Variants in PUSL1 observed in about 807,000 individuals in gnomAD.
PUSL1 encodes pseudouridine synthase like 1, also known as tRNA pseudouridine synthase-like 1.
In PUSL1, 51 loss-of-function variants were observed where a neutral mutation model predicts 30.7. That is an observed-to-expected ratio of 1.66 (90% confidence interval 1.33 to 2.10). The LOEUF is 2.10. Ranked by LOEUF, PUSL1 falls within the 30% of genes most tolerant of loss-of-function variation. The probability of loss-of-function intolerance (pLI) is 0.00; values close to 1 mark genes in which losing one functional copy is unlikely to be tolerated. For missense variants in PUSL1, 609 were observed against 427.6 expected (o/e 1.42, Z -3.74); for synonymous variants, 290 against 192.1 (o/e 1.51, Z -4.21).
intron 5 of PUSL1, chr1:1,310,243 G>T: frequency 2.9e-6 from 1 of 343,524 alleles, no homozygotes; most frequent in Non-Finnish European, 5.4e-6. Flanking sequence ...GAGCCCTGAA[G>T]GGGGGAAGAA....
intron 7 of PUSL1, 79 bp downstream of exon 7, chr1:1,311,150 G>A: frequency 6.6e-7 from 1 of 1,515,646 alleles, no homozygotes; most frequent in East Asian, 2.3e-5. Flanking sequence ...GGGGGCCAGG[G>A]GCCACTGACG....
At chr1:1,310,214 GAA>G (rs1642044702) in intron 5 of PUSL1, 2 of 352,100 alleles carry the variant, frequency 5.7e-6, no homozygotes, top group Non-Finnish European at 1.0e-5. Flanking sequence ...CTTCTGACCA[GAA>G]CCTCCCCTAT....
intron 1 of PUSL1, 91 bp from the exon 2 acceptor site, chr1:1,308,824 G>A (rs895147199): frequency 3.5e-6 from 5 of 1,443,550 alleles, no homozygotes; most frequent in South Asian, 1.4e-5. Context: ...GGTTCCAAAC[G>A]TTCGGGGAAG....
In PUSL1 at chr1:1,310,643, G is replaced by C. The variant is rs767049785; in HGVS notation, c.654G>C (p.Arg218=). The change falls in exon 6 of 8, where the codon CGG becomes CGC. Residue 218 remains arginine (R), a synonymous_variant. Coordinates refer to ENST00000379031, the MANE Select transcript of PUSL1 (RefSeq NM_153339.3). The part of the protein sequence containing the change: ...LVTPEESRKL[R]FWNLEFESQS... ...GTACGTATTTTTCCAGGAAGCTGCG[G>C]TTCTGGAACCTGGAGTTTGAGAGCC... The C allele has an allele frequency of 7.6e-6, 12 of 1,577,890 alleles. No individual in the cohort carries two copies. The highest frequency in any genetic ancestry group is 9.5e-6 in the Non-Finnish European group (11 of 1,158,532).
rs377184547 is a variant in PUSL1 at position 1,311,652 on chromosome 1, C to T, written c.*273C>T. 2.8e-6 allele frequency: 2 copies of T among 714,444 alleles called. No individual in the cohort carries two copies. The highest frequency in any genetic ancestry group is 2.7e-5 in the East Asian group (1 of 36,880). The allele number at this position is 714,444 out of a possible 1,614,324, so 44.3% of individuals were successfully genotyped here. A position where few individuals can be genotyped will look rare whatever the true frequency, so the allele number is the denominator to read the frequency against. On this transcript the variant is annotated 3_prime_UTR_variant, in exon 8 of 8. Transcript: ENST00000379031. ...GCTGTCTAGGACCACCTGCCCTAACCAGGAATAAAGGCAAGACAGCCTGGA... is the reference window on the plus strand; with the variant it reads ...GCTGTCTAGGACCACCTGCCCTAACTAGGAATAAAGGCAAGACAGCCTGGA...
At position 1,309,202 on chromosome 1, in the gene PUSL1, A is replaced by G; in HGVS notation, c.252A>G (p.Ser84=). 4 of 1,530,338 alleles carry G rather than the reference A, an allele frequency of 2.6e-6. No individual in the cohort carries two copies. The highest frequency in any genetic ancestry group is 3.5e-6 in the Non-Finnish European group (4 of 1,147,626). The allele number at this position is 1,530,338 out of a possible 1,614,324, so 94.8% of individuals were successfully genotyped here. A position where few individuals can be genotyped will look rare whatever the true frequency, so the allele number is the denominator to read the frequency against. The change falls in exon 3 of 8, where the codon TCA becomes TCG. Residue 84 remains serine, a synonymous_variant. Transcript: ENST00000379031. ...CGCACCTGGACGTCCAGCGCCGCTC[A>G]GGCCGGCCGCCCTTCCCGCCCGAGG... ...NAAHLDVQRR[S]GRPPFPPEVL...
Position 1,309,943 on chromosome 1 carries a change from C to A in PUSL1, c.644+92C>A, listed in dbSNP as rs990205638. 13 of 1,094,314 alleles carry A rather than the reference C, an allele frequency of 1.2e-5. No homozygotes were observed. In the East Asian group the frequency reaches 3.2e-4, roughly 27 times the overall value. The allele number at this position is 1,094,314 out of a possible 1,614,324, so 67.8% of individuals were successfully genotyped here. A position where few individuals can be genotyped will look rare whatever the true frequency, so the allele number is the denominator to read the frequency against. On this transcript the variant is annotated intron_variant, in intron 5 of 7. Transcript: ENST00000379031. ...CCCCCAGTTTTAAGGCAAGGTGAGG[C>A]GGGAGGCAGGCAGCCGGGAGTCCTC... is the stretch of plus-strand genomic sequence containing the variant.
chr1:1,310,599 G>A (rs1642074882), intron 5 of PUSL1, 35 bp from the exon 6 acceptor site: 2 of 1,480,824 alleles, frequency 1.4e-6, no homozygotes, highest in South Asian at 2.5e-5. Context: ...GGCAAACACT[G>A]CCCCACAGAC....
Position 1,311,572 on chromosome 1 carries a change from T to C in PUSL1, c.*193T>C, listed in dbSNP as rs182389642. 16 of 728,330 alleles carry C rather than the reference T, an allele frequency of 2.2e-5. No homozygotes were observed. The highest frequency in any genetic ancestry group is 2.3e-4 in the Middle Eastern group (1 of 4,420). 45.1% of individuals were successfully genotyped at this position (728,330 alleles called of 1,614,324 possible). ...TGGGGCACAGTGCAGGACACAGCCA[T>C]GTACACCAAGAAGAGAGTACCAAGT... On this transcript the variant is annotated 3_prime_UTR_variant, in exon 8 of 8. Coordinates refer to ENST00000379031, the MANE Select transcript of PUSL1 (RefSeq NM_153339.3).
chr1:1,309,575 C>G lies in PUSL1; in HGVS notation c.445C>G (p.Arg149Gly). The G allele has an allele frequency of 6.2e-7, 1 of 1,612,060 alleles. No individual in the cohort carries two copies. Among genetic ancestry groups the G allele is most frequent in the South Asian group, 1.1e-5 (1 of 91,040 alleles). The change falls in exon 4 of 8, where the codon CGC (arginine) becomes GGC (glycine). Residue 149 changes from arginine to glycine, a missense_variant. Coordinates refer to ENST00000379031, the MANE Select transcript of PUSL1 (RefSeq NM_153339.3). ...HRRDELPVFE[R>G]NLCWTLPADC... Reference sequence around the variant, plus strand: ...GCGTGATGAGCTGCCGGTGTTTGAACGCAACCTATGCTGGACTCTCCCGGC... The same window carrying G: ...GCGTGATGAGCTGCCGGTGTTTGAAGGCAACCTATGCTGGACTCTCCCGGC...
Position 1,311,446 on chromosome 1 carries a change from T to C in PUSL1, c.*67T>C, listed in dbSNP as rs778835482. The C allele has an allele frequency of 2.4e-5, 36 of 1,499,810 alleles. No individual in the cohort carries two copies. The South Asian group carries it at 4.3e-4, about 18-fold the overall frequency. The allele number at this position is 1,499,810 out of a possible 1,614,324, so 92.9% of individuals were successfully genotyped here. A position where few individuals can be genotyped will look rare whatever the true frequency, so the allele number is the denominator to read the frequency against. On this transcript the variant is annotated 3_prime_UTR_variant, in exon 8 of 8. Transcript: ENST00000379031. The stretch of plus-strand genomic sequence containing the variant: ...CCCTGTGCTGGTCAAGCCAGGGCAG[T>C]CACAGCTGCTTGGGGCCCACAGCAC...
rs1190901054 is a variant in PUSL1 at position 1,311,387 on chromosome 1, C to T, written c.*8C>T. 3.7e-6 allele frequency: 6 copies of T among 1,601,730 alleles called. No individual in the cohort carries two copies. In the South Asian group the frequency reaches 6.7e-5, roughly 18 times the overall value. Reference sequence around the variant, plus strand: ...TTCGGGAGCCACGGATGACCCTGGACACTCAAGCCAAAGTTAGGCCACACC... The same window carrying T: ...TTCGGGAGCCACGGATGACCCTGGATACTCAAGCCAAAGTTAGGCCACACC... On this transcript the variant is annotated 3_prime_UTR_variant, in exon 8 of 8. Transcript: ENST00000379031.
At chr1:1,309,994 C>T (rs1029899194) in intron 5 of PUSL1, 143 bp downstream of exon 5, 11 of 609,968 alleles carry the variant, frequency 1.8e-5, no homozygotes, top group East Asian at 1.5e-4. Flanking sequence ...GGAGGGGATT[C>T]GCCCGGACGC....
chr1:1,309,433 G>T (rs770982071), intron 3 of PUSL1, 21 bp from the exon 4 acceptor site: 42 of 1,577,624 alleles, frequency 2.7e-5, no homozygotes, highest in Admixed American at 8.8e-5. Context: ...TTCCTCCGGT[G>T]AGCTTTACCT....
chr1:1,310,844 G>A (rs780771123), intron 6 of PUSL1, 65 bp from the exon 7 acceptor site: 18 of 1,595,452 alleles, frequency 1.1e-5, no homozygotes, highest in African/African-American at 3.1e-5. Context: ...TCACAGGTAC[G>A]GAGGATGACG....
chr1:1,309,954 C>T (rs759886932), intron 5 of PUSL1, 103 bp downstream of exon 5: 62 of 950,136 alleles, frequency 6.5e-5, no homozygotes, highest in Middle Eastern at 2.2e-4. Context: ...GGGAGGCAGG[C>T]AGCCGGGAGT....
chr1:1,311,085 G>A lies in PUSL1; in HGVS notation c.862+14G>A, dbSNP rs749524317. On this transcript the variant is annotated intron_variant, in intron 7 of 7. Transcript: ENST00000379031. ...ACGGGAACCTCGGTAAGAAAAACAG[G>A]CACGAGAAGCTCCTGTCATGTGCCC... The A allele has an allele frequency of 2.5e-5, 40 of 1,588,232 alleles. No homozygotes were observed. The highest frequency in any genetic ancestry group is 1.6e-4 in the East Asian group (7 of 44,462).
In PUSL1 at chr1:1,311,365, G is replaced by A. The variant is rs988600315; in HGVS notation, c.898G>A (p.Gly300Arg). 2.6e-5 allele frequency: 41 copies of A among 1,597,570 alleles called. No homozygotes were observed. The Middle Eastern group carries it at 5.0e-4, about 19-fold the overall frequency. Residue 300 changes from glycine (G) to arginine (R), a missense_variant, in exon 8 of 8, where the codon GGG (glycine) becomes AGG (arginine). Transcript: ENST00000379031. ...CTGCACCCTGCAGGGGCCACAGTTC[G>A]GGAGCCACGGATGACCCTGGACACT... ...ASCTLQGPQF[G>R]SHG
chr1:1,309,828 C>T lies in PUSL1; in HGVS notation c.621C>T (p.Pro207=), dbSNP rs921559723. The T allele has an allele frequency of 1.3e-6, 2 of 1,542,326 alleles. No individual in the cohort carries two copies. The highest frequency in any genetic ancestry group is 2.0e-5 in the Admixed American group (1 of 50,620). ...CCGTTTCCCCAGGCCAAGCCAGCCCCTTGGTCACCCCCGAGGAGAGCAGGT... is the reference window on the plus strand; with the variant it reads ...CCGTTTCCCCAGGCCAAGCCAGCCCTTTGGTCACCCCCGAGGAGAGCAGGT... ...RVSVSPGQAS[P]LVTPEESRKL... Residue 207 remains proline, a synonymous_variant, in exon 5 of 8, where the codon CCC becomes CCT. Transcript: ENST00000379031.
Sources: gnomAD v4.1 joint callset for allele counts on GRCh38, gnomAD v4.1.1 for gene constraint, MANE v1.5 for transcripts, NCBI Gene and HGNC (gene_info 2026-07-23, HGNC 2026-07-21) for gene names.